Variants in RTKN2 observed in about 807,000 individuals in gnomAD.
RTKN2 encodes the protein rhotekin-2.
A neutral mutation model predicts 71.5 loss-of-function variants in RTKN2; 69 were observed. The ratio of observed to expected loss-of-function variants is 0.96; its 90% CI spans 0.79 to 1.18. RTKN2 has a LOEUF of 1.18. RTKN2 is among the 50% of genes most tolerant of loss of function. The pLI, the probability that RTKN2 is intolerant of heterozygous loss-of-function variation, is 0.00. For synonymous variants in RTKN2, 236 were observed against 236.5 expected (o/e 1.00, Z 0.02); for missense variants, 724 against 719.7 (o/e 1.01, Z -0.07).
intron 2 of RTKN2, among the ~76,000 whole-genome samples, chr10:62,247,492 C>G (rs1842501032): frequency 6.6e-6 from 1 of 151,882 alleles, no homozygotes; most frequent in Non-Finnish European, 1.5e-5. Flanking sequence ...ATGGCCATAT[C>G]TGGTATTAAA....
intron 9 of RTKN2, among the ~76,000 whole-genome samples, chr10:62,213,391 C>T (rs1441573398): frequency 6.6e-6 from 1 of 152,068 alleles, no homozygotes; most frequent in African/African-American, 2.4e-5. Context: ...ATAAAATATT[C>T]TAATAAAAAT....
chr10:62,199,930 T>C (rs375243152), intron 10 of RTKN2, 69 bp from the exon 11 acceptor site: 5 of 952,354 alleles, frequency 5.3e-6, no homozygotes, highest in African/African-American at 5.2e-5. Context: ...TCATTTTTAA[T>C]AGATAGCAAT....
chr10:62,220,831 A>G (rs1377628009), intron 7 of RTKN2, among the ~76,000 whole-genome samples: 2 of 152,158 alleles, frequency 1.3e-5, no homozygotes, highest in Non-Finnish European at 2.9e-5. Flanking sequence ...ATACTGGCAA[A>G]TGATTTACAA....
At chr10:62,244,425 T>TGAGC (rs1478458268) in intron 3 of RTKN2, among the ~76,000 whole-genome samples, 1 of 152,152 alleles carries the variant, frequency 6.6e-6, no homozygotes, top group Non-Finnish European at 1.5e-5. Context: ...TACTTTTACT[T>TGAGC]GAGCCTCCTT....
Position 62,196,420 on chromosome 10 carries a change from T to C in RTKN2, c.*1488A>G. 1 of 985,406 alleles carries C rather than the reference T, an allele frequency of 1.0e-6. No homozygotes were observed. The highest frequency in any genetic ancestry group is 1.2e-6 in the Non-Finnish European group (1 of 829,908). The allele number at this position is 985,406 out of a possible 1,614,324, so 61.0% of individuals were successfully genotyped here. On this transcript the variant is annotated 3_prime_UTR_variant, in exon 12 of 12. Coordinates refer to ENST00000373789, the MANE Select transcript of RTKN2 (RefSeq NM_145307.4). ...TTTTGTTATCATTACTCCCTCAAGA[T>C]TCAATTCTTACTAGGAGTCCTGGGC...
intron 11 of RTKN2, 58 bp downstream of exon 11, chr10:62,199,696 A>C: frequency 1.0e-6 from 1 of 995,476 alleles, no homozygotes; most frequent in Non-Finnish European, 1.6e-6. Flanking sequence ...AAGCTGCTTC[A>C]GTATGGACAA....
chr10:62,216,028 A>G (rs1427148508), intron 9 of RTKN2, among the ~76,000 whole-genome samples: 1 of 152,002 alleles, frequency 6.6e-6, no homozygotes, highest in Non-Finnish European at 1.5e-5. Flanking sequence ...TTTATATAAT[A>G]AAAGGTCTCA....
intron 6 of RTKN2, among the ~76,000 whole-genome samples, chr10:62,233,576 A>T (rs1003239779): frequency 6.6e-6 from 1 of 152,118 alleles, no homozygotes; most frequent in South Asian, 2.1e-4. Context: ...AAACAGCATT[A>T]AAAAAAACTG....
intron 8 of RTKN2, among the ~76,000 whole-genome samples, chr10:62,217,947 C>T (rs992827658): frequency 7.2e-5 from 11 of 152,096 alleles, no homozygotes; most frequent in Admixed American, 5.2e-4. Flanking sequence ...CCTGTTGCTG[C>T]TATTAATGAA....
chr10:62,259,280 A>G, intron 2 of RTKN2: 1 of 437,286 alleles, frequency 2.3e-6, no homozygotes, highest in Non-Finnish European at 4.6e-6. Flanking sequence ...TTTTCTTAAT[A>G]CTCAGTCTCG....
rs780083487 is a variant in RTKN2, at chr10:62,257,025, AC to A, written c.257+5599del. Among the ~76,000 whole-genome samples the A allele has an allele frequency of 2.2e-3, 336 of 152,300 alleles. 6 individuals carry two copies. The highest frequency in any genetic ancestry group is 0.01 in the Middle Eastern group (3 of 294). On this transcript the variant is annotated intron_variant, in intron 2 of 11. Transcript: ENST00000373789. ...TCTAAGCCCTATTTGCTCATCATAC[AC>A]ATTAAGGGGATACAAGGCAAAACTT...
At chr10:62,243,590 T>A (rs979589470) in intron 3 of RTKN2, among the ~76,000 whole-genome samples, 1 of 152,162 alleles carries the variant, frequency 6.6e-6, no homozygotes, top group Admixed American at 6.5e-5. Flanking sequence ...AGGGTAGATA[T>A]CAGCTCCACA....
At chr10:62,185,733 A>C (rs1397470963) in intron 8 of RTKN2, among the ~76,000 whole-genome samples, 1 of 152,218 alleles carries the variant, frequency 6.6e-6, no homozygotes, top group African/African-American at 2.4e-5. Flanking sequence ...TTAACCTGAC[A>C]TCTGAATTCA....
chr10:62,215,147 G>T, intron 9 of RTKN2: 1 of 1,066,524 alleles, frequency 9.4e-7, no homozygotes. Flanking sequence ...AATATTCTAT[G>T]GTATAAAATA....
At chr10:62,207,875 T>C (rs1187583889) in intron 9 of RTKN2, among the ~76,000 whole-genome samples, 1 of 152,196 alleles carries the variant, frequency 6.6e-6, no homozygotes, top group Admixed American at 6.5e-5. Flanking sequence ...GTGAGAATTA[T>C]TCTATTAAGC....
intron 8 of RTKN2, among the ~76,000 whole-genome samples, chr10:62,186,848 G>A (rs1841144043): frequency 6.6e-6 from 1 of 152,092 alleles, no homozygotes; most frequent in African/African-American, 2.4e-5. Flanking sequence ...TCCTGTATAT[G>A]ATGAGGACTA....
intron 1 of RTKN2, among the ~76,000 whole-genome samples, chr10:62,263,599 C>T (rs1842816673): frequency 6.6e-6 from 1 of 152,002 alleles, no homozygotes; most frequent in Non-Finnish European, 1.5e-5. Context: ...AGTGAATTAA[C>T]CAAGAAAAAC....
At chr10:62,210,001 G>A (rs573296497) in intron 9 of RTKN2, among the ~76,000 whole-genome samples, 29 of 152,194 alleles carry the variant, frequency 1.9e-4, no homozygotes, top group African/African-American at 6.5e-4. Flanking sequence ...TTGCTGGGTC[G>A]AATGGTATCT....
In RTKN2 at chr10:62,268,449, G is replaced by A. The variant is rs983364212; in HGVS notation, c.60+102C>T. On this transcript the variant is annotated intron_variant, in intron 1 of 11. Transcript: ENST00000373789. ...GTTTCTGGCCACCGCTGAAATAGAG[G>A]AGCGGGGGAGAGGCTTTCCCGACTC... is the stretch of plus-strand genomic sequence containing the variant. The A allele has an allele frequency of 7.6e-5, 84 of 1,102,224 alleles. No individual in the cohort carries two copies. The South Asian group carries it at 1.1e-3, about 14-fold the overall frequency. 68.3% of individuals were successfully genotyped at this position (1,102,224 alleles called of 1,614,324 possible).
Sources: allele counts gnomAD v4.1 joint callset (sites outside exome capture counted in the v4.1 genomes callset), GRCh38; gene constraint gnomAD v4.1.1; transcripts MANE v1.5; gene names NCBI Gene and HGNC (gene_info 2026-07-23, HGNC 2026-07-21).